CCDC14: variants seen among roughly 807,000 people sequenced by gnomAD.
CCDC14 encodes coiled-coil domain-containing protein 14.
Under a neutral mutation model 81.4 loss-of-function variants are expected in CCDC14, and 71 were observed. That is an observed-to-expected ratio of 0.87 (90% CI 0.72 to 1.06). The LOEUF is 1.06. Ranked by LOEUF, CCDC14 falls within the 50% of genes least tolerant of loss-of-function variation. CCDC14 has a pLI of 0.00. For missense variants in CCDC14, 1,046 were observed against 1,047.3 expected, an observed-to-expected ratio of 1.00 and a Z score of 0.02; for synonymous variants, 332 against 364.8, an observed-to-expected ratio of 0.91 and a Z score of 1.03.
chr3:123,918,554 T>C (rs747712640), intron 12 of CCDC14, among the ~76,000 whole-genome samples: 1 of 152,082 alleles, frequency 6.6e-6, no homozygotes, highest in Non-Finnish European at 1.5e-5. Flanking sequence ...AAAAGCTGCA[T>C]TACAGGGTTA....
the CCDC14 span, among the ~76,000 whole-genome samples, chr3:123,886,149 TTTTCTC>T: frequency 6.6e-6 from 1 of 150,924 alleles, no homozygotes; most frequent in African/African-American, 2.5e-5. Context: ...GTCTTTTTTT[TTTTCTC>T]TCTCTCTCTC....
chr3:123,908,638 CT>C (rs1353516015), downstream of CCDC14, among the ~76,000 whole-genome samples: 2 of 152,102 alleles, frequency 1.3e-5, no homozygotes, highest in Admixed American at 1.3e-4. Context: ...TTCTCATACC[CT>C]TTCTGGGTAT....
At chr3:123,917,414 G>A (rs1290978451) in intron 12 of CCDC14, among the ~76,000 whole-genome samples, 1 of 151,228 alleles carries the variant, frequency 6.6e-6, no homozygotes, top group Non-Finnish European at 1.5e-5. Context: ...AGAATTGCTT[G>A]AACCCGGGAG....
intron 12 of CCDC14, among the ~76,000 whole-genome samples, chr3:123,920,487 A>C (rs1358539380): frequency 6.6e-6 from 1 of 152,222 alleles, no homozygotes; most frequent in Non-Finnish European, 1.5e-5. Context: ...AACTGTTAAA[A>C]TTCAAAGCAG....
downstream of CCDC14, among the ~76,000 whole-genome samples, chr3:123,912,571 T>A (rs1673380326): frequency 6.6e-6 from 1 of 152,198 alleles, no homozygotes; most frequent in African/African-American, 2.4e-5. Context: ...TTGCCTCTCC[T>A]TTTTCACTTT....
the CCDC14 span, among the ~76,000 whole-genome samples, chr3:123,889,290 G>A: frequency 6.6e-6 from 1 of 152,150 alleles, no homozygotes; most frequent in Non-Finnish European, 1.5e-5. Context: ...GCACGTGCCT[G>A]TAATCCCAGC....
the CCDC14 span, among the ~76,000 whole-genome samples, chr3:123,890,627 T>C: frequency 6.6e-6 from 1 of 152,150 alleles, no homozygotes; most frequent in East Asian, 1.9e-4. Context: ...GTCACACTGA[T>C]GTGAGAGGTG....
In CCDC14 at chr3:123,944,853, G is replaced by C; in HGVS notation, c.1339C>G (p.Arg447Gly). 1 of 1,608,040 alleles carries C rather than the reference G, an allele frequency of 6.2e-7. No homozygotes were observed. The highest frequency in any genetic ancestry group is 8.5e-7 in the Non-Finnish European group (1 of 1,176,076). Residue 447 changes from arginine to glycine, a missense_variant, in exon 9 of 13, where the codon CGA becomes GGA. By Grantham distance (125) the Arg-to-Gly change is moderately radical. Coordinates refer to ENST00000409697, the MANE Select transcript of CCDC14 (RefSeq NM_001366335.1). ...QPLRSENAQL[R>G]RQLRILNQQL... is the part of the protein sequence containing the mutation. ...TATTCAAAGAGCAATTCTTACCTTC[G>C]TAACTGAGCATTCTCACTTCTTAAT...
rs561202984 is a variant in CCDC14, at chr3:123,914,483, T to C, written c.*296A>G. Reference sequence around the variant, plus strand: ...GAACTATTTCAACCTGTACCCTTAATCCAGCAGATACATCTTAATAAAAGA... The same window carrying C: ...GAACTATTTCAACCTGTACCCTTAACCCAGCAGATACATCTTAATAAAAGA... On this transcript the variant is annotated 3_prime_UTR_variant, in exon 13 of 13. Transcript: ENST00000409697. The C allele has an allele frequency of 1.9e-6, 2 of 1,025,948 alleles. No homozygotes were observed. The allele number at this position is 1,025,948 out of a possible 1,614,324, so 63.6% of individuals were successfully genotyped here. A position where few individuals can be genotyped will look rare whatever the true frequency, so the allele number is the denominator to read the frequency against.
intron 5 of CCDC14, among the ~76,000 whole-genome samples, chr3:123,905,797 C>T (rs1354761428): frequency 6.6e-6 from 1 of 152,096 alleles, no homozygotes; most frequent in Non-Finnish European, 1.5e-5. Context: ...ATATAAACTA[C>T]GTGCACAGGC....
At chr3:123,934,048 G>A (rs34861444) in intron 9 of CCDC14, among the ~76,000 whole-genome samples, 71,231 of 151,624 alleles carry the variant, frequency 0.47, 18,965 homozygotes, top group Non-Finnish European at 0.63. Context: ...CGAGGTGGGC[G>A]GATCACCTGA....
At chr3:123,895,812 T>C (rs1258234057), downstream of CCDC14, among the ~76,000 whole-genome samples, 5 of 152,224 alleles carry the variant, frequency 3.3e-5, no homozygotes, top group East Asian at 9.6e-4. Flanking sequence ...GCTTATACAC[T>C]GTTGGTGGGA....
chr3:123,944,695 TG>T (rs1463939256), intron 9 of CCDC14, among the ~76,000 whole-genome samples, 153 bp downstream of exon 9: 3 of 152,148 alleles, frequency 2.0e-5, no homozygotes, highest in African/African-American at 7.2e-5. Context: ...TAGAGAATGC[TG>T]GAAATCTCTG....
At chr3:123,944,529 A>G (rs1470343950) in intron 9 of CCDC14, among the ~76,000 whole-genome samples, 1 of 152,160 alleles carries the variant, frequency 6.6e-6, no homozygotes, top group South Asian at 2.1e-4. Flanking sequence ...TTGCTGTGCT[A>G]TGCAAATGAG....
rs760302000 is a variant in CCDC14, at chr3:123,947,067, G to T, written c.937C>A (p.His313Asn). Residue 313 changes from histidine to asparagine, a missense_variant, in exon 8 of 13, where the codon CAT (histidine) becomes AAT (asparagine). Transcript: ENST00000409697. ...CTGTCCAGATGCGTTTCTTTTCCAT[G>T]AGATCGAAAAAGAGACAAATATGTT... ...IQTYLSLFRS[H>N]GKETHLDSQT... 6 of 1,613,846 alleles carry T rather than the reference G, an allele frequency of 3.7e-6. No homozygotes were observed. The African/African-American group carries it at 8.0e-5, about 22-fold the overall frequency.
In CCDC14 at chr3:123,961,161, C is replaced by T. The variant is rs767707604; in HGVS notation, c.13G>A (p.Gly5Arg). MVRS[G>R]ARPGQVLSSG... ...GCCCTCACCTGGCCCGGTCGAGCTC[C>T]AGACCTGACCATCTCTCGCCGCCTC... The change falls in exon 1 of 13, where the codon GGA (glycine) becomes AGA (arginine). Residue 5 changes from glycine (G) to arginine (R), a missense_variant. Coordinates refer to ENST00000409697, the MANE Select transcript of CCDC14 (RefSeq NM_001366335.1). 3.9e-6 allele frequency: 6 copies of T among 1,551,510 alleles called. No individual in the cohort carries two copies. The highest frequency in any genetic ancestry group is 1.7e-4 in the Middle Eastern group (1 of 5,996).
At position 123,913,802 on chromosome 3, in the gene CCDC14, T is replaced by C; in HGVS notation, c.*977A>G. On this transcript the variant is annotated 3_prime_UTR_variant, in exon 13 of 13. Transcript: ENST00000409697. ...GAGTAGGCAGGTGACCTGTACAAAG[T>C]ATTAGTGATAACACAACATTCAGCT... 1 of 985,230 alleles carries C rather than the reference T, an allele frequency of 1.0e-6. No individual in the cohort carries two copies. The highest frequency in any genetic ancestry group is 1.2e-6 in the Non-Finnish European group (1 of 829,874). The allele number at this position is 985,230 out of a possible 1,614,324, so 61.0% of individuals were successfully genotyped here. A position where few individuals can be genotyped will look rare whatever the true frequency, so the allele number is the denominator to read the frequency against.
chr3:123,917,165 T>C (rs1248632771), intron 12 of CCDC14, among the ~76,000 whole-genome samples: 1 of 149,748 alleles, frequency 6.7e-6, no homozygotes, highest in Admixed American at 6.6e-5. Context: ...ATACTAAGAC[T>C]TTAGTCTATT....
At chr3:123,940,321 CTCTT>C (rs1235605404) in intron 9 of CCDC14, among the ~76,000 whole-genome samples, 1 of 151,758 alleles carries the variant, frequency 6.6e-6, no homozygotes, top group African/African-American at 2.4e-5. Context: ...CACTTTTCTT[CTCTT>C]TTTCTTTTTC....
Sources: allele counts gnomAD v4.1 joint callset (sites outside exome capture counted in the v4.1 genomes callset), GRCh38; gene constraint gnomAD v4.1.1; transcripts MANE v1.5; gene names NCBI Gene and HGNC (gene_info 2026-07-23, HGNC 2026-07-21).